Variants in FUT9 observed in about 807,000 individuals in gnomAD.
The protein encoded by FUT9 is 4-galactosyl-N-acetylglucosaminide 3-alpha-L-fucosyltransferase 9.
FUT9 carries 15 observed loss-of-function variants against 29.7 expected under a neutral mutation model. The ratio of observed to expected loss-of-function variants is 0.51; its 90% CI spans 0.34 to 0.78. The LOEUF is 0.78. Ranked by LOEUF, FUT9 falls within the 30% of genes least tolerant of loss-of-function variation. FUT9 has a pLI of 0.01. For missense variants in FUT9, 319 were observed against 425.4 expected, an observed-to-expected ratio of 0.75 and a Z score of 2.20; for synonymous variants, 169 against 153.7, an observed-to-expected ratio of 1.10 and a Z score of -0.74.
chr6:96,171,023 C>T (rs1317675913), intron 2 of FUT9, among the ~76,000 whole-genome samples: 7 of 152,136 alleles, frequency 4.6e-5, no homozygotes, highest in Non-Finnish European at 8.8e-5. Flanking sequence ...GGGTCTGAGA[C>T]AAAGACTTGA....
intron 2 of FUT9, among the ~76,000 whole-genome samples, chr6:96,157,022 T>C (rs1772798124): frequency 6.6e-6 from 1 of 152,208 alleles, no homozygotes; most frequent in African/African-American, 2.4e-5. Flanking sequence ...CTTTGTTAGA[T>C]GAAAGAGAAA....
chr6:96,094,090 G>A lies in FUT9; in HGVS notation c.-97-19949G>A, dbSNP rs184347506. 1.9e-4 allele frequency among the ~76,000 whole-genome samples: 29 copies of A among 152,196 alleles called. No individual in the cohort carries two copies. The East Asian group carries it at 4.6e-3, about 24-fold the overall frequency. The stretch of plus-strand genomic sequence containing the variant: ...CCAAAATCAAACAAGTTTTGGATAC[G>A]CTGCATGTCATATTCAATAGTCCTC... On this transcript the variant is annotated intron_variant, in intron 1 of 2. Coordinates refer to ENST00000302103, the MANE Select transcript of FUT9 (RefSeq NM_006581.4).
Position 96,025,149 on chromosome 6 carries a change from A to G in FUT9, c.-98+8937A>G, listed in dbSNP as rs371510489. Among the ~76,000 whole-genome samples, 10 of 151,806 alleles carry G rather than the reference A, an allele frequency of 6.6e-5. No individual in the cohort carries two copies. The South Asian group carries it at 1.2e-3, about 19-fold the overall frequency. The stretch of plus-strand genomic sequence containing the variant: ...TTCCCTTTTCACACTCAATATATGT[A>G]CACATTACTCTTTACTATTGTCTGA... On this transcript the variant is annotated intron_variant, in intron 1 of 2. Coordinates refer to ENST00000302103, the MANE Select transcript of FUT9 (RefSeq NM_006581.4).
chr6:96,024,675 C>G (rs1770133128), intron 1 of FUT9, among the ~76,000 whole-genome samples: 1 of 151,750 alleles, frequency 6.6e-6, no homozygotes, highest in Non-Finnish European at 1.5e-5. Flanking sequence ...TCTTATATCT[C>G]TTAAGTTCTC....
At chr6:96,080,291 A>G (rs1338237364) in intron 1 of FUT9, among the ~76,000 whole-genome samples, 1 of 152,008 alleles carries the variant, frequency 6.6e-6, no homozygotes, top group Non-Finnish European at 1.5e-5. Context: ...ATAAAAGTGT[A>G]GCTATAAATA....
intron 2 of FUT9, among the ~76,000 whole-genome samples, chr6:96,169,914 G>A (rs551568136): frequency 3.3e-5 from 5 of 152,240 alleles, no homozygotes; most frequent in Admixed American, 6.5e-5. Context: ...AAACTTGAGT[G>A]AGTGATTTCT....
intron 1 of FUT9, among the ~76,000 whole-genome samples, chr6:96,097,265 G>A (rs918049045): frequency 2.0e-5 from 3 of 152,344 alleles, no homozygotes; most frequent in Admixed American, 6.5e-5. Context: ...ACCTAATATA[G>A]TGTGGGAATC....
intron 2 of FUT9, among the ~76,000 whole-genome samples, chr6:96,160,627 C>A (rs1049158307): frequency 1.3e-5 from 2 of 151,972 alleles, no homozygotes; most frequent in Admixed American, 6.5e-5. Flanking sequence ...CCAAATAAGT[C>A]AAAAAATGTG....
At chr6:96,044,920 T>G (rs1215486646) in intron 1 of FUT9, among the ~76,000 whole-genome samples, 1 of 152,200 alleles carries the variant, frequency 6.6e-6, no homozygotes, top group Admixed American at 6.6e-5. Flanking sequence ...ACATACAGCC[T>G]TATATGTTCT....
At chr6:96,092,282 T>G (rs1771424063) in intron 1 of FUT9, among the ~76,000 whole-genome samples, 1 of 152,124 alleles carries the variant, frequency 6.6e-6, no homozygotes, top group Non-Finnish European at 1.5e-5. Context: ...TAATACTGAG[T>G]GCACCAGTCA....
chr6:96,064,908 G>A (rs760553793), intron 1 of FUT9, among the ~76,000 whole-genome samples: 1 of 152,286 alleles, frequency 6.6e-6, no homozygotes, highest in Non-Finnish European at 1.5e-5. Context: ...TTATGTGTAT[G>A]AAGAAATATT....
intron 2 of FUT9, among the ~76,000 whole-genome samples, chr6:96,133,770 A>G (rs1772295432): frequency 6.6e-6 from 1 of 151,958 alleles, no homozygotes; most frequent in Admixed American, 6.6e-5. Flanking sequence ...ATGTTTGTAT[A>G]GTATACTTTG....
intron 2 of FUT9, among the ~76,000 whole-genome samples, chr6:96,154,689 G>T (rs1772742631): frequency 1.3e-5 from 2 of 152,174 alleles, no homozygotes; most frequent in South Asian, 2.1e-4. Flanking sequence ...GATTGCATTT[G>T]TAAGTATCAC....
chr6:96,176,427 G>A (rs555954053), intron 2 of FUT9, among the ~76,000 whole-genome samples: 1 of 152,048 alleles, frequency 6.6e-6, no homozygotes, highest in Admixed American at 6.6e-5. Context: ...TGCAGTCTAT[G>A]TTGCAACTAC....
intron 1 of FUT9, among the ~76,000 whole-genome samples, chr6:96,060,329 C>T (rs1230542280): frequency 6.6e-6 from 1 of 152,110 alleles, no homozygotes; most frequent in Non-Finnish European, 1.5e-5. Context: ...TCAGTAATAA[C>T]ATTTACATAC....
chr6:96,147,365 C>T (rs1040679305), intron 2 of FUT9, among the ~76,000 whole-genome samples: 3 of 152,056 alleles, frequency 2.0e-5, no homozygotes, highest in Non-Finnish European at 4.4e-5. Context: ...GGTGGGGTTT[C>T]ACCGTATTGG....
At chr6:96,122,042 T>G (rs935977735) in intron 2 of FUT9, among the ~76,000 whole-genome samples, 1 of 152,012 alleles carries the variant, frequency 6.6e-6, no homozygotes, top group Admixed American at 6.6e-5. Context: ...GCCAAGAGAA[T>G]TTTAGTAAAG....
At chr6:96,159,174 T>A (rs937677448) in intron 2 of FUT9, among the ~76,000 whole-genome samples, 1 of 152,184 alleles carries the variant, frequency 6.6e-6, no homozygotes, top group Non-Finnish European at 1.5e-5. Context: ...TTTTTACAAA[T>A]GTATTCCTTT....
At chr6:96,096,965 A>T (rs904836303) in intron 1 of FUT9, among the ~76,000 whole-genome samples, 4 of 152,232 alleles carry the variant, frequency 2.6e-5, no homozygotes, top group African/African-American at 9.6e-5. Flanking sequence ...CACCCAGCAC[A>T]TATTAGGCAC....
Sources: allele counts gnomAD v4.1 joint callset (sites outside exome capture counted in the v4.1 genomes callset), GRCh38; gene constraint gnomAD v4.1.1; transcripts MANE v1.5; gene names NCBI Gene and HGNC (gene_info 2026-07-23, HGNC 2026-07-21).